DHPS: variants seen among roughly 807,000 people sequenced by gnomAD.
DHPS encodes the protein migration-inducing gene 13.
DHPS carries 24 observed loss-of-function variants against 38.7 expected under a neutral mutation model. The ratio of observed to expected loss-of-function variants is 0.62; its 90% CI spans 0.45 to 0.87. The LOEUF is 0.87. Among genes scored for constraint, DHPS ranks in the 40% least tolerant of loss-of-function variants. The pLI is 0.00. For synonymous variants in DHPS, 250 were observed against 204.4 expected (o/e 1.22, Z -1.90); for missense variants, 510 against 497.6 (o/e 1.02, Z -0.24).
chr19:12,677,702 C>T (rs2024661767), intron 5 of DHPS, among the ~76,000 whole-genome samples: 2 of 152,120 alleles, frequency 1.3e-5, no homozygotes, highest in African/African-American at 4.8e-5. Flanking sequence ...ATGGCACTAT[C>T]TCAGCTCACT....
chr19:12,680,428 C>T, intron 1 of DHPS, 103 bp from the exon 2 acceptor site: 1 of 1,239,464 alleles, frequency 8.1e-7, no homozygotes, highest in East Asian at 2.3e-5. Context: ...CCTGCACATT[C>T]AGGGATACAG....
Position 12,681,460 on chromosome 19 carries a change from G to A in DHPS, c.207+100C>T, listed in dbSNP as rs2024809655. On this transcript the variant is annotated intron_variant, in intron 1 of 8. Transcript: ENST00000210060. Reference sequence around the variant, plus strand: ...CAACTATTGGGCAACTCAAATAAAAGACATATCCCCTCCACTGGAAACGCT... The same window carrying A: ...CAACTATTGGGCAACTCAAATAAAAAACATATCCCCTCCACTGGAAACGCT... 3.6e-6 allele frequency: 5 copies of A among 1,370,466 alleles called. No homozygotes were observed. The Admixed American group carries it at 6.1e-5, about 17-fold the overall frequency. The allele number at this position is 1,370,466 out of a possible 1,614,324, so 84.9% of individuals were successfully genotyped here.
chr19:12,681,500 C>G (rs1278948103), intron 1 of DHPS, 60 bp downstream of exon 1: 1 of 1,587,034 alleles, frequency 6.3e-7, no homozygotes, highest in Non-Finnish European at 8.6e-7. Context: ...CCGTCTAGTA[C>G]CGCGTTGGTT....
rs1174754778 is a variant in DHPS at position 12,681,588 on chromosome 19, C to T, written c.179G>A (p.Gly60Glu). ...GTTGFQATNF[G>E]RAVQQVNAMI... ...GGCATTGACTTGCTGTACAGCGCGC[C>T]CGAAGTTGGTTGCTTGGAAGCCGGT... Residue 60 changes from glycine (G) to glutamate (E), a missense_variant, in exon 1 of 9, where the codon GGG (glycine) becomes GAG (glutamate). Physicochemically the swap from Gly to Glu is moderately conservative, Grantham distance 98. Transcript: ENST00000210060. 6.2e-7 allele frequency: 1 copy of T among 1,614,134 alleles called. No homozygotes were observed. The highest frequency in any genetic ancestry group is 1.3e-5 in the African/African-American group (1 of 74,948).
intron 1 of DHPS, chr19:12,681,097 G>T: frequency 7.9e-7 from 1 of 1,264,066 alleles, no homozygotes; most frequent in Non-Finnish European, 1.0e-6. Context: ...TTCCCAAAAT[G>T]CTGGGATTAT....
In DHPS at chr19:12,681,657, T is replaced by C. The variant is rs1192208487; in HGVS notation, c.110A>G (p.Asn37Ser). 6.2e-7 allele frequency: 1 copy of C among 1,614,224 alleles called. No homozygotes were observed. Among genetic ancestry groups the C allele is most frequent in the Non-Finnish European group, 8.5e-7 (1 of 1,180,046 alleles). Residue 37 changes from asparagine to serine, a missense_variant, in exon 1 of 9, where the codon AAC (asparagine) becomes AGC (serine). Coordinates refer to ENST00000210060, the MANE Select transcript of DHPS (RefSeq NM_001930.4). Reference sequence around the variant, plus strand: ...CAGTGCGCGGTAATTCACACCGCGGTTGAAGTCGTAGCCCCGGACCTGGGT... The same window carrying C: ...CAGTGCGCGGTAATTCACACCGCGGCTGAAGTCGTAGCCCCGGACCTGGGT... ...ESTQVRGYDF[N>S]RGVNYRALLE...
In DHPS at chr19:12,680,170, C is replaced by G. The variant is rs776275867; in HGVS notation, c.363G>C (p.Gln121His). The G allele has an allele frequency of 4.3e-6, 7 of 1,614,188 alleles. No homozygotes were observed. Among genetic ancestry groups the G allele is most frequent in the Non-Finnish European group, 5.1e-6 (6 of 1,180,020 alleles). The change falls in exon 2 of 9, where the codon CAG (glutamine) becomes CAC (histidine). Residue 121 changes from glutamine to histidine, a missense_variant. Physicochemically the swap from Gln to His is conservative, Grantham distance 24. Transcript: ENST00000210060. The part of the protein sequence containing the change: ...GIRETIRYLV[Q>H]HNMVDVLVTT... ...CTCACCAGGTCCCCACCATGTTGTGCTGCACAAGGTAGCGAATGGTCTCAC... is the reference window on the plus strand; with the variant it reads ...CTCACCAGGTCCCCACCATGTTGTGGTGCACAAGGTAGCGAATGGTCTCAC...
chr19:12,673,561 G>A (rs1009924177), downstream of DHPS, among the ~76,000 whole-genome samples: 3 of 151,928 alleles, frequency 2.0e-5, no homozygotes, highest in Non-Finnish European at 2.9e-5. Context: ...GGGATTATAG[G>A]TGCGTGCCAC....
chr19:12,681,079 G>A (rs935399847), intron 1 of DHPS: 2 of 1,221,536 alleles, frequency 1.6e-6, no homozygotes, highest in Non-Finnish European at 2.1e-6. Context: ...TGATCCACCC[G>A]CCTCGGCTTC....
chr19:12,681,338 C>T (rs2024804122), intron 1 of DHPS: 2 of 1,043,674 alleles, frequency 1.9e-6, no homozygotes, highest in Admixed American at 2.9e-5. Flanking sequence ...AATCAGTCCT[C>T]GCCTCCTCAG....
rs772664113 is a variant in DHPS at position 12,680,183 on chromosome 19, C to T, written c.350G>A (p.Arg117His). 9.9e-6 allele frequency: 16 copies of T among 1,614,074 alleles called. No individual in the cohort carries two copies. The highest frequency in any genetic ancestry group is 1.6e-4 in the Middle Eastern group (1 of 6,080). The change falls in exon 2 of 9, where the codon CGC (arginine) becomes CAC (histidine). Residue 117 changes from arginine to histidine, a missense_variant. Physicochemically the swap from Arg to His is conservative, Grantham distance 29. Coordinates refer to ENST00000210060, the MANE Select transcript of DHPS (RefSeq NM_001930.4). ...CACCATGTTGTGCTGCACAAGGTAG[C>T]GAATGGTCTCACGGATGCCTGAACT... is the stretch of plus-strand genomic sequence containing the variant. ...LISSGIRETI[R>H]YLVQHNMVDV... is the part of the protein sequence containing the mutation.
At chr19:12,675,421 C>T, downstream of DHPS, 1 of 1,493,972 alleles carries the variant, frequency 6.7e-7, no homozygotes, top group Non-Finnish European at 8.9e-7. Context: ...GGAGAGGTGA[C>T]TGAGGGCTTC....
intron 1 of DHPS, chr19:12,681,012 T>C: frequency 1.6e-6 from 1 of 638,684 alleles, no homozygotes; most frequent in South Asian, 1.8e-5. Flanking sequence ...TTTTTGCATT[T>C]TAGTAGAGAC....
At chr19:12,676,179 C>T in intron 7 of DHPS, 37 bp from the exon 8 acceptor site, 2 of 1,556,686 alleles carry the variant, frequency 1.3e-6, no homozygotes, top group Non-Finnish European at 1.7e-6. Context: ...CCCAGTCAGC[C>T]AGTCACAGGA....
intron 6 of DHPS, 35 bp downstream of exon 6, chr19:12,677,256 T>TCC: frequency 6.2e-7 from 1 of 1,613,922 alleles, no homozygotes; most frequent in East Asian, 2.2e-5. Context: ...CAGCCAGCCC[T>TCC]CCTTCCCCTC....
chr19:12,681,780 G>C lies in DHPS; in HGVS notation c.-14C>G. 3 of 1,602,384 alleles carry C rather than the reference G, an allele frequency of 1.9e-6. No homozygotes were observed. The highest frequency in any genetic ancestry group is 2.5e-6 in the Non-Finnish European group (3 of 1,178,592). On this transcript the variant is annotated 5_prime_UTR_variant, in exon 1 of 9. Transcript: ENST00000210060. ...GGAACCTTCCATGCGCCTATAGCCGGCTCTCGAGTCAAAGCTGCCCCTAGG... is the reference window on the plus strand; with the variant it reads ...GGAACCTTCCATGCGCCTATAGCCGCCTCTCGAGTCAAAGCTGCCCCTAGG...
intron 1 of DHPS, 49 bp from the exon 2 acceptor site, chr19:12,680,374 C>T (rs1568320185): frequency 1.9e-6 from 3 of 1,605,870 alleles, no homozygotes; most frequent in Non-Finnish European, 1.7e-6. Context: ...AAATCCCAGA[C>T]TCAGGACTCC....
downstream of DHPS, chr19:12,672,715 C>A: frequency 1.0e-6 from 1 of 953,648 alleles, no homozygotes; most frequent in Non-Finnish European, 1.6e-6. Context: ...GGGCCTGAGT[C>A]TCAAGGCCAG....
intron 2 of DHPS, 36 bp from the exon 3 acceptor site, chr19:12,679,958 G>A: frequency 6.3e-7 from 1 of 1,598,080 alleles, no homozygotes. Flanking sequence ...GCCCAAGAAG[G>A]AAGCCCCTGC....
Sources: allele counts gnomAD v4.1 joint callset (sites outside exome capture counted in the v4.1 genomes callset), GRCh38; gene constraint gnomAD v4.1.1; transcripts MANE v1.5; gene names NCBI Gene and HGNC (gene_info 2026-07-23, HGNC 2026-07-21).